EPHA3: variants seen among roughly 807,000 people sequenced by gnomAD.
The protein encoded by EPHA3 is EPH receptor A3.
In EPHA3, 42 loss-of-function variants were observed where a neutral mutation model predicts 107.1. The observed-to-expected ratio is 0.39, with a 90% CI of 0.31 to 0.51. The LOEUF is 0.51. Among genes scored for constraint, EPHA3 ranks in the 20% least tolerant of loss-of-function variants. EPHA3 has a pLI of 0.78. For synonymous variants in EPHA3, 461 were observed against 424.8 expected (o/e 1.09, Z -1.05); for missense variants, 1,183 against 1,211.2 (o/e 0.98, Z 0.35).
chr3:89,291,552 T>G (rs1706206455), intron 3 of EPHA3, among the ~76,000 whole-genome samples: 1 of 152,070 alleles, frequency 6.6e-6, no homozygotes, highest in Non-Finnish European at 1.5e-5. Context: ...CATAAAAAGA[T>G]GAAAAAAGAT....
intron 2 of EPHA3, among the ~76,000 whole-genome samples, chr3:89,184,194 G>A (rs536751707): frequency 6.6e-6 from 1 of 151,996 alleles, no homozygotes; most frequent in African/African-American, 2.4e-5. Flanking sequence ...AAAGAAACCA[G>A]TTCCCCTAAG....
chr3:89,281,318 C>A (rs1453859839), intron 3 of EPHA3, among the ~76,000 whole-genome samples: 1 of 152,152 alleles, frequency 6.6e-6, no homozygotes, highest in Non-Finnish European at 1.5e-5. Context: ...GGCCACCACA[C>A]CGGGCCTCTC....
chr3:89,308,005 C>T (rs560693368), intron 3 of EPHA3, among the ~76,000 whole-genome samples: 1 of 152,250 alleles, frequency 6.6e-6, no homozygotes, highest in South Asian at 2.1e-4. Flanking sequence ...AAAATTGACT[C>T]TTTAGAGTGT....
chr3:89,457,319 GC>G (rs1251173743), intron 15 of EPHA3, among the ~76,000 whole-genome samples: 1 of 152,184 alleles, frequency 6.6e-6, no homozygotes, highest in Non-Finnish European at 1.5e-5. Flanking sequence ...CTGCTTCCAG[GC>G]CATGGCCTGT....
chr3:89,206,796 G>A (rs1256038418), intron 2 of EPHA3, among the ~76,000 whole-genome samples: 3 of 152,134 alleles, frequency 2.0e-5, no homozygotes, highest in African/African-American at 7.2e-5. Flanking sequence ...TACATATAGA[G>A]TGGATGCATG....
intron 5 of EPHA3, among the ~76,000 whole-genome samples, chr3:89,392,934 A>C (rs7639281): frequency 0.011 from 1,662 of 152,256 alleles, 29 homozygotes; most frequent in African/African-American, 0.038. Context: ...CATTGATACA[A>C]TGGAGTGCCC....
At chr3:89,334,193 G>C (rs555319791) in intron 3 of EPHA3, among the ~76,000 whole-genome samples, 1 of 152,242 alleles carries the variant, frequency 6.6e-6, no homozygotes, top group South Asian at 2.1e-4. Flanking sequence ...TTGTTTGGCA[G>C]TCAATGTATA....
intron 2 of EPHA3, among the ~76,000 whole-genome samples, chr3:89,163,749 G>A (rs1423818858): frequency 6.6e-6 from 1 of 152,084 alleles, no homozygotes; most frequent in East Asian, 1.9e-4. Context: ...GGTATAAATG[G>A]AACACTCCTG....
At chr3:89,196,269 C>T (rs1705834637) in intron 2 of EPHA3, among the ~76,000 whole-genome samples, 1 of 152,138 alleles carries the variant, frequency 6.6e-6, no homozygotes, top group African/African-American at 2.4e-5. Flanking sequence ...TTGAAATCTT[C>T]CCCTCCTCTC....
intron 3 of EPHA3, among the ~76,000 whole-genome samples, chr3:89,256,728 A>G (rs1191568856): frequency 1.3e-5 from 2 of 152,204 alleles, no homozygotes; most frequent in Non-Finnish European, 2.9e-5. Flanking sequence ...TATGCAAAAA[A>G]TATTTTCATT....
chr3:89,405,699 T>A (rs1197651297), intron 7 of EPHA3, among the ~76,000 whole-genome samples: 1 of 152,152 alleles, frequency 6.6e-6, no homozygotes. Flanking sequence ...GGGGAGGTGA[T>A]AGTATTCAGA....
chr3:89,277,376 T>C (rs1576284015), intron 3 of EPHA3, among the ~76,000 whole-genome samples: 2 of 152,144 alleles, frequency 1.3e-5, no homozygotes, highest in South Asian at 4.1e-4. Flanking sequence ...AAAATGGATA[T>C]TTCATTCAGT....
At chr3:89,446,600 TA>T (rs1458238869) in intron 13 of EPHA3, among the ~76,000 whole-genome samples, 1 of 152,184 alleles carries the variant, frequency 6.6e-6, no homozygotes, top group Non-Finnish European at 1.5e-5. Flanking sequence ...GACTCTATTT[TA>T]ATTTCAACTA....
rs1338612306 is a variant in EPHA3 at position 89,419,191 on chromosome 3, C to T, written c.1889-14C>T. 1 of 1,562,292 alleles carries T rather than the reference C, an allele frequency of 6.4e-7. No homozygotes were observed. The highest frequency in any genetic ancestry group is 2.0e-5 in the Admixed American group (1 of 49,268). ...GAATTCCTTACATTTTGTTGCTGTT[C>T]TGCTTTATAACAGGTGAATTTGGAG... On this transcript the variant is annotated splice_polypyrimidine_tract_variant and intron_variant, in intron 10 of 16. Coordinates refer to ENST00000336596, the MANE Select transcript of EPHA3 (RefSeq NM_005233.6).
intron 2 of EPHA3, among the ~76,000 whole-genome samples, chr3:89,203,748 G>A (rs1333134929): frequency 6.6e-6 from 1 of 152,062 alleles, no homozygotes; most frequent in Non-Finnish European, 1.5e-5. Context: ...CTGCACTCCA[G>A]CCTGGGCAAC....
chr3:89,119,321 A>T (rs1673339416), intron 1 of EPHA3, among the ~76,000 whole-genome samples: 1 of 152,100 alleles, frequency 6.6e-6, no homozygotes, highest in Admixed American at 6.5e-5. Context: ...TACACTACCC[A>T]AAAATATCTC....
In EPHA3 at chr3:89,164,135, C is replaced by T. The variant is rs768866004; in HGVS notation, c.153+36862C>T. ...TAGAGAAGACTAATTGATTTAGCAG[C>T]GCATGGATCTACCAGGTAGCCTAGA... On this transcript the variant is annotated intron_variant, in intron 2 of 16. Coordinates refer to ENST00000336596, the MANE Select transcript of EPHA3 (RefSeq NM_005233.6). 2.6e-5 allele frequency among the ~76,000 whole-genome samples: 4 copies of T among 152,104 alleles called. 1 individual carries two copies. The highest frequency in any genetic ancestry group is 4.1e-4 in the South Asian group (2 of 4,828).
intron 3 of EPHA3, among the ~76,000 whole-genome samples, chr3:89,271,028 G>A (rs1364968503): frequency 6.6e-6 from 1 of 152,022 alleles, no homozygotes; most frequent in Admixed American, 6.6e-5. Flanking sequence ...AACTGATATG[G>A]AAAGAATAAG....
chr3:89,272,321 T>G (rs1705690030), intron 3 of EPHA3, among the ~76,000 whole-genome samples: 1 of 151,780 alleles, frequency 6.6e-6, no homozygotes, highest in Non-Finnish European at 1.5e-5. Flanking sequence ...GAAAATAAAT[T>G]CTATTCTTTT....
Sources: gnomAD v4.1 joint callset for allele counts (sites outside exome capture counted in the v4.1 genomes callset) on GRCh38, gnomAD v4.1.1 for gene constraint, MANE v1.5 for transcripts, NCBI Gene and HGNC (gene_info 2026-07-23, HGNC 2026-07-21) for gene names.